The following AGBL3 variants were observed in gnomAD, a reference collection of about 807,000 sequenced individuals.
AGBL3 encodes cytosolic carboxypeptidase 3.
A neutral mutation model predicts 94.5 loss-of-function variants in AGBL3; 68 were observed. The ratio of observed to expected loss-of-function variants is 0.72; its 90% CI spans 0.59 to 0.88. The LOEUF is 0.88. Among genes scored for constraint, AGBL3 ranks in the 40% least tolerant of loss-of-function variants. The pLI is 0.00. For synonymous variants in AGBL3, 354 were observed against 370.7 expected (o/e 0.95, Z 0.52); for missense variants, 934 against 1,103.8 (o/e 0.85, Z 2.18).
At chr7:135,097,608 T>A (rs1034279353) in intron 15 of AGBL3, among the ~76,000 whole-genome samples, 3 of 152,168 alleles carry the variant, frequency 2.0e-5, no homozygotes, top group Non-Finnish European at 4.4e-5. Flanking sequence ...TATGTTGTAC[T>A]GTGAAGGGTA....
At chr7:135,063,201 T>C (rs868869039) in intron 12 of AGBL3, among the ~76,000 whole-genome samples, 18 of 152,260 alleles carry the variant, frequency 1.2e-4, no homozygotes, top group Middle Eastern at 6.8e-3. Flanking sequence ...GTGTCGGTTA[T>C]AATGTCTCAT....
In AGBL3 at chr7:134,993,919, C is replaced by G. The variant is rs183157366; in HGVS notation, c.310+241C>G. The stretch of plus-strand genomic sequence containing the variant: ...AAATATATCCAGAATATTTCACATT[C>G]TTTTTGTCCAAAGTCTTCAGAATCT... On this transcript the variant is annotated intron_variant, in intron 4 of 16. Transcript: ENST00000436302. Among the ~76,000 whole-genome samples the G allele has an allele frequency of 9.1e-4, 139 of 152,322 alleles. 1 individual carries two copies. The highest frequency in any genetic ancestry group is 3.1e-3 in the African/African-American group (129 of 41,574).
At chr7:135,055,320 A>G (rs1232455066) in intron 11 of AGBL3, among the ~76,000 whole-genome samples, 1 of 152,200 alleles carries the variant, frequency 6.6e-6, no homozygotes, top group Admixed American at 6.5e-5. Flanking sequence ...TATGATACTG[A>G]GTAGAAGTGC....
intron 16 of AGBL3, among the ~76,000 whole-genome samples, chr7:135,133,067 GCACACACACACACACA>G (rs55861736): frequency 2.7e-5 from 4 of 150,320 alleles, no homozygotes; most frequent in South Asian, 4.2e-4. Flanking sequence ...ACGCATGCGT[GCACACACACACACACA>G]CACACACACA....
chr7:135,015,587 C>A (rs1813676534), intron 4 of AGBL3, among the ~76,000 whole-genome samples: 1 of 26,646 alleles, frequency 3.8e-5, no homozygotes, highest in African/African-American at 5.4e-5. Context: ...TATACAAGTT[C>A]TTTCTCCAGT....
At chr7:135,032,714 T>C (rs1815897123) in intron 5 of AGBL3, 130 bp from the exon 6 acceptor site, 2 of 753,144 alleles carry the variant, frequency 2.7e-6, no homozygotes, top group Admixed American at 7.4e-5. Context: ...AACATGTCTA[T>C]ATAAATTAGT....
At chr7:135,071,514 C>T (rs1819904759) in intron 12 of AGBL3, among the ~76,000 whole-genome samples, 1 of 152,170 alleles carries the variant, frequency 6.6e-6, no homozygotes, top group Non-Finnish European at 1.5e-5. Flanking sequence ...TCAAACTATA[C>T]TACAAGGCTA....
chr7:135,135,512 G>GA lies in AGBL3; in HGVS notation c.*258dup, dbSNP rs1158157486. Reference sequence around the variant, plus strand: ...TTTATATTTAGTTTTTATCAGCATGGAAAAAAATCTCTGAAGTTTTGATTT... The same window carrying GA: ...TTTATATTTAGTTTTTATCAGCATGGAAAAAAAATCTCTGAAGTTTTGATTT... On this transcript the variant is annotated 3_prime_UTR_variant, in exon 17 of 17. Coordinates refer to ENST00000436302, the MANE Select transcript of AGBL3 (RefSeq NM_178563.4). 7.1e-6 allele frequency: 2 copies of GA among 281,806 alleles called. No individual in the cohort carries two copies. Among genetic ancestry groups the GA allele is most frequent in the African/African-American group, 2.2e-5 (1 of 45,850 alleles). The allele number at this position is 281,806 out of a possible 1,614,324, so 17.5% of individuals were successfully genotyped here.
chr7:135,053,166 T>C (rs1271044307), intron 11 of AGBL3, among the ~76,000 whole-genome samples: 3 of 152,222 alleles, frequency 2.0e-5, no homozygotes, highest in African/African-American at 7.2e-5. Context: ...AGCTTCATTC[T>C]TTGCTTAAGA....
At chr7:135,003,942 T>C (rs1812056649) in intron 4 of AGBL3, among the ~76,000 whole-genome samples, 1 of 151,540 alleles carries the variant, frequency 6.6e-6, no homozygotes, top group Non-Finnish European at 1.5e-5. Flanking sequence ...CTTATATTTC[T>C]TTTTTGTACT....
At chr7:135,130,887 T>G (rs988695667) in intron 16 of AGBL3, among the ~76,000 whole-genome samples, 1 of 152,200 alleles carries the variant, frequency 6.6e-6, no homozygotes, top group Non-Finnish European at 1.5e-5. Flanking sequence ...AAAAATTGTC[T>G]TTCGTTATCG....
In AGBL3 at chr7:135,037,648, C is replaced by T. The variant is rs564867482; in HGVS notation, c.1500+68C>T. On this transcript the variant is annotated intron_variant, in intron 8 of 16. Coordinates refer to ENST00000436302, the MANE Select transcript of AGBL3 (RefSeq NM_178563.4). ...TGCCCATGTGAGATAGCAGAATGGCCCACGTGGATAATACTATTCCAAACT... is the reference window on the plus strand; with the variant it reads ...TGCCCATGTGAGATAGCAGAATGGCTCACGTGGATAATACTATTCCAAACT... 9.9e-6 allele frequency: 13 copies of T among 1,313,302 alleles called. No individual in the cohort carries two copies. The Admixed American group carries it at 3.7e-4, about 38-fold the overall frequency. The allele number at this position is 1,313,302 out of a possible 1,614,324, so 81.4% of individuals were successfully genotyped here. A position where few individuals can be genotyped will look rare whatever the true frequency, so the allele number is the denominator to read the frequency against.
chr7:134,991,973 T>C (rs181757940), intron 3 of AGBL3, among the ~76,000 whole-genome samples: 4 of 152,366 alleles, frequency 2.6e-5, no homozygotes, highest in Middle Eastern at 3.4e-3. Flanking sequence ...AACTCTACAG[T>C]CTGCTCTTGT....
intron 12 of AGBL3, among the ~76,000 whole-genome samples, chr7:135,065,373 C>T (rs1417883031): frequency 6.6e-6 from 1 of 152,140 alleles, no homozygotes; most frequent in Non-Finnish European, 1.5e-5. Flanking sequence ...ATAGCTAAAG[C>T]AAACTTGAGC....
intron 11 of AGBL3, among the ~76,000 whole-genome samples, chr7:135,047,881 A>G (rs1011923353): frequency 6.6e-6 from 1 of 151,720 alleles, no homozygotes; most frequent in Non-Finnish European, 1.5e-5. Flanking sequence ...ATGTAGTCCC[A>G]TGTGTTTATT....
At chr7:135,132,661 C>G (rs761246189) in intron 16 of AGBL3, among the ~76,000 whole-genome samples, 1 of 152,116 alleles carries the variant, frequency 6.6e-6, no homozygotes, top group Non-Finnish European at 1.5e-5. Context: ...ATACTCTTCT[C>G]GTGGTACTGA....
At chr7:135,122,319 T>C (rs916604642) in intron 16 of AGBL3, among the ~76,000 whole-genome samples, 3 of 152,134 alleles carry the variant, frequency 2.0e-5, no homozygotes, top group Admixed American at 1.3e-4. Context: ...TCCTTCCTCA[T>C]TGGGTGGGGC....
At chr7:135,093,563 G>C (rs1822187758) in intron 15 of AGBL3, 2 of 151,986 alleles carry the variant, frequency 1.3e-5, no homozygotes, top group African/African-American at 4.8e-5. Flanking sequence ...AGAAGTACAA[G>C]ACTTATAAAC....
rs1327222802 is a variant in AGBL3 at position 135,094,518 on chromosome 7, T to G, written c.2110+12728T>G. 7.4e-5 allele frequency: 34 copies of G among 456,570 alleles called. 1 individual carries two copies. In the Admixed American group the frequency reaches 7.8e-4, roughly 10 times the overall value. The allele number at this position is 456,570 out of a possible 1,614,324, so 28.3% of individuals were successfully genotyped here. On this transcript the variant is annotated intron_variant, in intron 15 of 16. Coordinates refer to ENST00000436302, the MANE Select transcript of AGBL3 (RefSeq NM_178563.4). ...ATAGTCTTGTCTGGAGCTTCATTTTTGTGGACTTTATCTTCAGGAATCCCA... is the reference window on the plus strand; with the variant it reads ...ATAGTCTTGTCTGGAGCTTCATTTTGGTGGACTTTATCTTCAGGAATCCCA...
Sources: allele counts gnomAD v4.1 joint callset (sites outside exome capture counted in the v4.1 genomes callset), GRCh38; gene constraint gnomAD v4.1.1; transcripts MANE v1.5; gene names NCBI Gene and HGNC (gene_info 2026-07-23, HGNC 2026-07-21).